Variants in CSTF3 observed in about 807,000 individuals in gnomAD.
CSTF3 encodes cleavage stimulation factor subunit 3.
In CSTF3, 29 loss-of-function variants were observed where a neutral mutation model predicts 105.8. That is an observed-to-expected ratio of 0.27 (90% CI 0.20 to 0.37). The LOEUF is 0.37. Among genes scored for constraint, CSTF3 ranks in the 10% least tolerant of loss-of-function variants. The pLI is 1.00. For missense variants in CSTF3, 357 were observed against 879.3 expected, an observed-to-expected ratio of 0.41 and a Z score of 7.51; for synonymous variants, 252 against 281.9, an observed-to-expected ratio of 0.89 and a Z score of 1.06.
intron 3 of CSTF3, among the ~76,000 whole-genome samples, chr11:33,109,097 G>T (rs968895965): frequency 3.3e-5 from 5 of 152,204 alleles, no homozygotes; most frequent in Admixed American, 6.5e-5. Context: ...CTTTTTCTAG[G>T]AGAATCTGAG....
At position 33,084,996 on chromosome 11, in the gene CSTF3, A is replaced by T. The variant is rs1283197424; in HGVS notation, c.*91T>A. On this transcript the variant is annotated 3_prime_UTR_variant, in exon 21 of 21. Transcript: ENST00000323959. ...ATGACAATACAACTTTGTTTCCAAG[A>T]ACCTTGTAACAAAGCGTTGTCTCTT... 2 of 1,387,796 alleles carry T rather than the reference A, an allele frequency of 1.4e-6. No homozygotes were observed. The highest frequency in any genetic ancestry group is 1.8e-5 in the Admixed American group (1 of 55,548). 86.0% of individuals were successfully genotyped at this position (1,387,796 alleles called of 1,614,324 possible). A position where few individuals can be genotyped will look rare whatever the true frequency, so the allele number is the denominator to read the frequency against.
intron 1 of CSTF3, among the ~76,000 whole-genome samples, chr11:33,154,274 A>C (rs775213052): frequency 5.9e-5 from 9 of 152,182 alleles, no homozygotes; most frequent in Non-Finnish European, 1.2e-4. Context: ...CCACTTTAAG[A>C]AATATGTACC....
At chr11:33,095,960 G>T (rs1311650391) in intron 15 of CSTF3, among the ~76,000 whole-genome samples, 1 of 144,718 alleles carries the variant, frequency 6.9e-6, no homozygotes, top group Non-Finnish European at 1.5e-5. Context: ...GTGGCTAGAG[G>T]GTTTTTTGTT....
chr11:33,148,103 A>C (rs1846980200), intron 1 of CSTF3, among the ~76,000 whole-genome samples: 1 of 152,136 alleles, frequency 6.6e-6, no homozygotes, highest in South Asian at 2.1e-4. Context: ...TAACCTACCA[A>C]ATCAGGTAAG....
At chr11:33,133,577 C>T (rs555958117) in intron 3 of CSTF3, among the ~76,000 whole-genome samples, 3 of 152,266 alleles carry the variant, frequency 2.0e-5, no homozygotes, top group East Asian at 3.9e-4. Flanking sequence ...AAATTAAGGC[C>T]GAGGGCTGGG....
At position 33,095,844 on chromosome 11, in the gene CSTF3, A is replaced by G. The variant is rs182253027; in HGVS notation, c.1375+462T>C. Among the ~76,000 whole-genome samples the G allele has an allele frequency of 7.6e-3, 1,156 of 151,914 alleles. 17 individuals carry two copies. Among genetic ancestry groups the G allele is most frequent in the Non-Finnish European group, 0.013 (856 of 67,962 alleles). On this transcript the variant is annotated intron_variant, in intron 15 of 20. Coordinates refer to ENST00000323959, the MANE Select transcript of CSTF3 (RefSeq NM_001326.3). Reference sequence around the variant, plus strand: ...CAAATAAATAAATAAATAAATAAATAAATAAATAAATACTAAAAACCAAAA... The same window carrying G: ...CAAATAAATAAATAAATAAATAAATGAATAAATAAATACTAAAAACCAAAA...
intron 1 of CSTF3, chr11:33,144,734 T>C (rs1447211390): frequency 2.0e-5 from 3 of 152,758 alleles, no homozygotes; most frequent in Admixed American, 6.5e-5. Flanking sequence ...CAGAAGCCTT[T>C]TGGGAGGCCG....
chr11:33,118,099 T>C (rs372754), intron 3 of CSTF3, among the ~76,000 whole-genome samples: 83,520 of 150,446 alleles, frequency 0.56, 25,774 homozygotes, highest in Non-Finnish European at 0.69. Context: ...TTTTTTTTAA[T>C]AAGAGAAAGA....
At chr11:33,143,642 T>C (rs2133800576) in intron 1 of CSTF3, among the ~76,000 whole-genome samples, 1 of 152,148 alleles carries the variant, frequency 6.6e-6, no homozygotes, top group South Asian at 2.1e-4. Context: ...CCCTGCTACC[T>C]GGAAGGCTGA....
At chr11:33,096,445 A>G in intron 14 of CSTF3, 37 bp from the exon 15 acceptor site, 1 of 1,296,290 alleles carries the variant, frequency 7.7e-7, no homozygotes, top group Admixed American at 2.2e-5. Context: ...ATTTCCATGA[A>G]ATGTCAGATA....
chr11:33,146,610 A>C (rs1266439057), intron 1 of CSTF3, among the ~76,000 whole-genome samples: 1 of 104,964 alleles, frequency 9.5e-6, no homozygotes, highest in African/African-American at 3.5e-5. Flanking sequence ...AAATTATGGA[A>C]TTTGTAGTCA....
chr11:33,098,281 G>A (rs1441959100), intron 13 of CSTF3, among the ~76,000 whole-genome samples: 2 of 152,042 alleles, frequency 1.3e-5, no homozygotes, highest in African/African-American at 2.4e-5. Flanking sequence ...CCAGGATGTC[G>A]GTTTCTCCCG....
chr11:33,092,178 C>A, intron 16 of CSTF3, 93 bp downstream of exon 16: 2 of 757,970 alleles, frequency 2.6e-6, no homozygotes, highest in Non-Finnish European at 4.1e-6. Flanking sequence ...TCTCTTGAAA[C>A]TCATACTCAA....
rs143051189 is a variant in CSTF3, at chr11:33,141,712, C to G, written c.180G>C (p.Gln60His). Residue 60 changes from glutamine to histidine, a missense_variant, in exon 3 of 21, where the codon CAG (glutamine) becomes CAC (histidine). By Grantham distance (24) the Gln-to-His change is conservative. This residue lies in a region of CSTF3 where 78 missense variants were observed against 180.4 expected (regional missense o/e 0.43). Coordinates refer to ENST00000323959, the MANE Select transcript of CSTF3 (RefSeq NM_001326.3). The part of the protein sequence containing the change: ...ARKTYERLVA[Q>H]FPSSGRFWKL... ...TCCAGAATCTGCCAGAACTGGGGAA[C>G]TGGGCAACAAGGCGTTCATAAGTCT... 1 of 1,611,960 alleles carries G rather than the reference C, an allele frequency of 6.2e-7. No individual in the cohort carries two copies. The highest frequency in any genetic ancestry group is 2.2e-5 in the East Asian group (1 of 44,860).
intron 3 of CSTF3, among the ~76,000 whole-genome samples, chr11:33,138,770 A>G (rs766369852): frequency 3.3e-5 from 5 of 151,888 alleles, no homozygotes; most frequent in African/African-American, 4.8e-5. Flanking sequence ...TTTGGAATAA[A>G]GAGTAGAACA....
In CSTF3 at chr11:33,085,995, A is replaced by G. The variant is rs766478548; in HGVS notation, c.1796-6T>C. 3 of 1,465,534 alleles carry G rather than the reference A, an allele frequency of 2.0e-6. No individual in the cohort carries two copies. Among genetic ancestry groups the G allele is most frequent in the Non-Finnish European group, 2.7e-6 (3 of 1,106,912 alleles). 90.8% of individuals were successfully genotyped at this position (1,465,534 alleles called of 1,614,324 possible). On this transcript the variant is annotated splice_region_variant and splice_polypyrimidine_tract_variant and intron_variant, in intron 18 of 20. Coordinates refer to ENST00000323959, the MANE Select transcript of CSTF3 (RefSeq NM_001326.3). Reference sequence around the variant, plus strand: ...TACAGGGTGTAAACCTGGAGCTGTGAGAAAAAGAAAAGTATGAATCAAGTG... The same window carrying G: ...TACAGGGTGTAAACCTGGAGCTGTGGGAAAAAGAAAAGTATGAATCAAGTG...
chr11:33,105,535 T>C, intron 8 of CSTF3, 32 bp downstream of exon 8: 2 of 1,575,164 alleles, frequency 1.3e-6, no homozygotes, highest in South Asian at 1.2e-5. Flanking sequence ...ATGGCTTGGT[T>C]TATAATAAAC....
At chr11:33,157,694 C>T (rs923778300) in intron 1 of CSTF3, among the ~76,000 whole-genome samples, 1 of 152,170 alleles carries the variant, frequency 6.6e-6, no homozygotes, top group Non-Finnish European at 1.5e-5. Flanking sequence ...AGAAAAATGA[C>T]TATCCATATA....
chr11:33,094,592 A>T (rs905090833), intron 15 of CSTF3, among the ~76,000 whole-genome samples: 5 of 151,644 alleles, frequency 3.3e-5, no homozygotes, highest in Non-Finnish European at 5.9e-5. Context: ...TAACTATTTT[A>T]AAAAAAAATT....
Sources: allele counts gnomAD v4.1 joint callset (sites outside exome capture counted in the v4.1 genomes callset), GRCh38; gene constraint gnomAD v4.1.1; regional missense constraint gnomAD v4.1.1; transcripts MANE v1.5; gene names NCBI Gene and HGNC (gene_info 2026-07-23, HGNC 2026-07-21).